Variants in ADGRL4 observed in about 807,000 individuals in gnomAD.
The protein encoded by ADGRL4 is adhesion G protein-coupled receptor L4.
Under a neutral mutation model 74.8 loss-of-function variants are expected in ADGRL4, and 90 were observed. The observed-to-expected ratio is 1.20, with a 90% CI of 1.02 to 1.43. The LOEUF (loss-of-function observed/expected upper bound fraction) is 1.43. Ranked by LOEUF, ADGRL4 falls within the 40% of genes most tolerant of loss-of-function variation. ADGRL4 has a pLI of 0.00. For missense variants in ADGRL4, 881 were observed against 814.3 expected, an observed-to-expected ratio of 1.08 and a Z score of -1.00; for synonymous variants, 311 against 279.2, an observed-to-expected ratio of 1.11 and a Z score of -1.14.
intron 7 of ADGRL4, among the ~76,000 whole-genome samples, chr1:78,930,045 CTTAG>C (rs1421078966): frequency 6.6e-6 from 1 of 151,282 alleles, no homozygotes; most frequent in East Asian, 1.9e-4. Context: ...GGGAGCATGA[CTTAG>C]TTATTTTTGC....
Position 78,905,153 on chromosome 1 carries a change from G to T in ADGRL4, c.1750-11964C>A, listed in dbSNP as rs80023738. 5.0e-3 allele frequency among the ~76,000 whole-genome samples: 768 copies of T among 152,126 alleles called. 26 individuals carry two copies. The highest frequency in any genetic ancestry group is 0.039 in the Admixed American group (599 of 15,244). The stretch of plus-strand genomic sequence containing the variant: ...CACTTTCAGGACTTTCTTCTAAAGT[G>T]ATATCAGCAAAATAATTACTGAAAT... On this transcript the variant is annotated intron_variant, in intron 12 of 14. Coordinates refer to ENST00000370742, the MANE Select transcript of ADGRL4 (RefSeq NM_022159.4).
intron 12 of ADGRL4, among the ~76,000 whole-genome samples, chr1:78,899,963 T>A (rs1177781190): frequency 1.3e-5 from 2 of 152,078 alleles, no homozygotes; most frequent in Non-Finnish European, 2.9e-5. Context: ...GTTATAAACT[T>A]TAAGATAGGG....
chr1:78,893,058 CAAAAAA>C, intron 13 of ADGRL4, 34 bp downstream of exon 13: 6 of 847,852 alleles, frequency 7.1e-6, no homozygotes, highest in South Asian at 4.1e-5. Flanking sequence ...TTTTAATTAC[CAAAAAA>C]AAAAAAAAAA....
chr1:78,900,439 A>G (rs1364257841), intron 12 of ADGRL4, among the ~76,000 whole-genome samples: 1 of 152,178 alleles, frequency 6.6e-6, no homozygotes, highest in Non-Finnish European at 1.5e-5. Flanking sequence ...TCGTTATAGC[A>G]GCAATAGAAA....
intron 12 of ADGRL4, among the ~76,000 whole-genome samples, chr1:78,917,276 T>C (rs1231139427): frequency 6.6e-6 from 1 of 151,750 alleles, no homozygotes; most frequent in South Asian, 2.1e-4. Flanking sequence ...GAGGTATTAC[T>C]GATAAGCAAA....
At chr1:78,910,417 G>A (rs1156245626) in intron 12 of ADGRL4, among the ~76,000 whole-genome samples, 1 of 151,742 alleles carries the variant, frequency 6.6e-6, no homozygotes, top group African/African-American at 2.4e-5. Flanking sequence ...TAGTGATACA[G>A]CAACACATAA....
chr1:78,925,359 TA>T (rs997236749), intron 8 of ADGRL4, among the ~76,000 whole-genome samples: 2 of 152,048 alleles, frequency 1.3e-5, no homozygotes, highest in Non-Finnish European at 2.9e-5. Context: ...TTTTTTTAAG[TA>T]AAAAAACTTA....
chr1:78,936,330 A>G lies in ADGRL4; in HGVS notation c.842T>C (p.Ile281Thr), dbSNP rs1342393385. 1 of 1,595,186 alleles carries G rather than the reference A, an allele frequency of 6.3e-7. No individual in the cohort carries two copies. The highest frequency in any genetic ancestry group is 2.3e-5 in the East Asian group (1 of 43,886). Residue 281 changes from isoleucine to threonine, a missense_variant, in exon 7 of 15, where the codon ATA becomes ACA. Transcript: ENST00000370742. Reference sequence around the variant, plus strand: ...ATATGCAGCTTTTCTCTTTGGAAATATATTTATGTAGTCTCCATCCATATT... The same window carrying G: ...ATATGCAGCTTTTCTCTTTGGAAATGTATTTATGTAGTCTCCATCCATATT... ...HMNMDGDYIN[I>T]FPKRKAAYDS...
intron 8 of ADGRL4, among the ~76,000 whole-genome samples, chr1:78,925,066 C>G (rs1383989593): frequency 1.3e-5 from 2 of 151,910 alleles, no homozygotes; most frequent in Non-Finnish European, 2.9e-5. Context: ...GACACTGACA[C>G]CAATGTGGAG....
chr1:78,914,704 T>G (rs1236023412), intron 12 of ADGRL4, among the ~76,000 whole-genome samples: 2 of 151,842 alleles, frequency 1.3e-5, no homozygotes, highest in Non-Finnish European at 2.9e-5. Context: ...ATTTTAGATT[T>G]TTTAAAATCT....
intron 2 of ADGRL4, among the ~76,000 whole-genome samples, chr1:79,002,172 C>A (rs541331111): frequency 6.6e-6 from 1 of 152,116 alleles, no homozygotes; most frequent in African/African-American, 2.4e-5. Context: ...TATATTTCAA[C>A]AAATAATGGA....
chr1:78,942,644 T>C (rs1345137450), intron 3 of ADGRL4, among the ~76,000 whole-genome samples: 2 of 151,620 alleles, frequency 1.3e-5, no homozygotes, highest in Admixed American at 6.6e-5. Flanking sequence ...TTTTTATTAA[T>C]AGGTGATGCT....
chr1:78,907,405 A>C (rs544789467), intron 12 of ADGRL4, among the ~76,000 whole-genome samples: 1 of 152,104 alleles, frequency 6.6e-6, no homozygotes, highest in East Asian at 1.9e-4. Context: ...TACTTGAGTG[A>C]ATTCTACATG....
chr1:78,906,752 ACTT>A (rs1648650006), intron 12 of ADGRL4, among the ~76,000 whole-genome samples: 1 of 152,002 alleles, frequency 6.6e-6, no homozygotes, highest in Non-Finnish European at 1.5e-5. Context: ...AGGTATAAAA[ACTT>A]TAATATAAAT....
chr1:78,987,056 A>G (rs1171583900), intron 2 of ADGRL4, among the ~76,000 whole-genome samples: 1 of 151,842 alleles, frequency 6.6e-6, no homozygotes, highest in African/African-American at 2.4e-5. Context: ...GTGCTATTTT[A>G]AGTAGTAAAT....
chr1:78,985,064 TTATAAA>T (rs1650466335), intron 2 of ADGRL4, among the ~76,000 whole-genome samples: 1 of 151,734 alleles, frequency 6.6e-6, no homozygotes, highest in Non-Finnish European at 1.5e-5. Context: ...TGTTTTGTGG[TTATAAA>T]TATAAATCTG....
At chr1:78,961,376 C>T (rs1649950468) in intron 2 of ADGRL4, among the ~76,000 whole-genome samples, 2 of 152,042 alleles carry the variant, frequency 1.3e-5, no homozygotes, top group South Asian at 4.2e-4. Context: ...CTCTTGACCT[C>T]GTGATCCGCC....
intron 13 of ADGRL4, 40 bp downstream of exon 13, chr1:78,893,058 C>CAAA (rs10640737): frequency 0.046 from 38,945 of 837,736 alleles, 252 homozygotes; most frequent in South Asian, 0.054. Flanking sequence ...TTTTAATTAC[C>CAAA]AAAAAAAAAA....
intron 2 of ADGRL4, among the ~76,000 whole-genome samples, chr1:78,980,283 A>T (rs1009760920): frequency 6.6e-6 from 1 of 151,650 alleles, no homozygotes; most frequent in Non-Finnish European, 1.5e-5. Context: ...AATTCTTTTT[A>T]TTTACATTTC....
Sources: gnomAD v4.1 joint callset for allele counts (sites outside exome capture counted in the v4.1 genomes callset) on GRCh38, gnomAD v4.1.1 for gene constraint, MANE v1.5 for transcripts, NCBI Gene and HGNC (gene_info 2026-07-23, HGNC 2026-07-21) for gene names.